The following PCTP variants were observed in gnomAD, a reference collection of about 807,000 sequenced individuals.
PCTP encodes phosphatidylcholine transfer protein, also known as START domain-containing protein 2.
In PCTP, 27 loss-of-function variants were observed where a neutral mutation model predicts 31.0. The ratio of observed to expected loss-of-function variants is 0.87; its 90% CI spans 0.64 to 1.20. The LOEUF is 1.20. Ranked by LOEUF, PCTP falls within the 50% of genes most tolerant of loss-of-function variation. The pLI is 0.00. For synonymous variants in PCTP, 108 were observed against 101.2 expected (o/e 1.07, Z -0.40); for missense variants, 287 against 268.2 (o/e 1.07, Z -0.49).
chr17:55,767,469 T>C lies in PCTP; in HGVS notation c.259+17T>C, dbSNP rs1489395646. Reference sequence around the variant, plus strand: ...ATGTTAAAGGTGAGTGATGCTTGCTTTTCTTTTTTTTTTAGACGTACTTTC... The same window carrying C: ...ATGTTAAAGGTGAGTGATGCTTGCTCTTCTTTTTTTTTTAGACGTACTTTC... On this transcript the variant is annotated intron_variant, in intron 2 of 5. Transcript: ENST00000268896. The C allele has an allele frequency of 7.3e-7, 1 of 1,368,338 alleles. No homozygotes were observed. Among genetic ancestry groups the C allele is most frequent in the Non-Finnish European group, 9.8e-7 (1 of 1,020,600 alleles). 84.8% of individuals were successfully genotyped at this position (1,368,338 alleles called of 1,614,324 possible).
intron 3 of PCTP, among the ~76,000 whole-genome samples, chr17:55,803,806 G>T (rs113135105): frequency 6.6e-5 from 10 of 151,288 alleles, no homozygotes; most frequent in East Asian, 5.8e-4. Flanking sequence ...ATGGGCAAAG[G>T]CTTCATGACT....
intron 3 of PCTP, among the ~76,000 whole-genome samples, chr17:55,811,618 T>C (rs1464714546): frequency 6.6e-6 from 1 of 152,194 alleles, no homozygotes; most frequent in African/African-American, 2.4e-5. Flanking sequence ...CACTTTTAAA[T>C]AAAAATAATA....
downstream of PCTP, among the ~76,000 whole-genome samples, chr17:55,845,158 A>C (rs142513015): frequency 8.5e-4 from 129 of 150,940 alleles, no homozygotes; most frequent in South Asian, 0.021. Context: ...TGCACTAAAC[A>C]TTTAATAAAT....
chr17:55,765,102 T>C (rs1910566234), intron 1 of PCTP, among the ~76,000 whole-genome samples: 1 of 152,218 alleles, frequency 6.6e-6, no homozygotes, highest in South Asian at 2.1e-4. Flanking sequence ...CAAAGGAACT[T>C]ATATGATTTG....
intron 5 of PCTP, among the ~76,000 whole-genome samples, chr17:55,830,975 A>C (rs1905575201): frequency 6.6e-6 from 1 of 152,236 alleles, no homozygotes; most frequent in South Asian, 2.1e-4. Context: ...TGTTCCTAAC[A>C]GAAAACCCTC....
At chr17:55,781,123 A>G (rs1911550224), downstream of PCTP, among the ~76,000 whole-genome samples, 1 of 152,200 alleles carries the variant, frequency 6.6e-6, no homozygotes, top group Non-Finnish European at 1.5e-5. Flanking sequence ...CTCCTCATCT[A>G]TAGACTTTGG....
chr17:55,768,681 G>A (rs1225525220), intron 2 of PCTP, among the ~76,000 whole-genome samples: 1 of 152,172 alleles, frequency 6.6e-6, no homozygotes, highest in Non-Finnish European at 1.5e-5. Flanking sequence ...AGCTAGGGTA[G>A]GTTCTTCTAC....
At chr17:55,843,731 A>G (rs2145097442), downstream of PCTP, among the ~76,000 whole-genome samples, 1 of 152,282 alleles carries the variant, frequency 6.6e-6, no homozygotes, top group East Asian at 1.9e-4. Flanking sequence ...AAAGACTAAG[A>G]ATTTCTTGAG....
At chr17:55,817,841 G>T (rs1026870728) in intron 3 of PCTP, among the ~76,000 whole-genome samples, 4 of 152,258 alleles carry the variant, frequency 2.6e-5, no homozygotes, top group African/African-American at 7.2e-5. Context: ...TCATCCCAAA[G>T]ATTTCAATTA....
chr17:55,763,456 T>C (rs1289776293), intron 1 of PCTP, among the ~76,000 whole-genome samples: 1 of 151,732 alleles, frequency 6.6e-6, no homozygotes, highest in African/African-American at 2.4e-5. Flanking sequence ...AAAAAAAAAA[T>C]AGAATTATGG....
downstream of PCTP, among the ~76,000 whole-genome samples, chr17:55,778,620 T>TGGGGGG (rs1911450081): frequency 6.6e-6 from 1 of 151,380 alleles, no homozygotes; most frequent in Non-Finnish European, 1.5e-5. Context: ...GGGTGCGGGG[T>TGGGGGG]GGGCGGTTTC....
At chr17:55,763,207 A>G (rs555042494) in intron 1 of PCTP, among the ~76,000 whole-genome samples, 2 of 152,216 alleles carry the variant, frequency 1.3e-5, no homozygotes, top group Non-Finnish European at 2.9e-5. Flanking sequence ...CTTACACATC[A>G]GATCTTATTA....
chr17:55,827,024 C>T (rs947703467), downstream of PCTP, among the ~76,000 whole-genome samples: 9 of 137,666 alleles, frequency 6.5e-5, no homozygotes, highest in South Asian at 4.7e-4. Flanking sequence ...AAGATACCTA[C>T]TGTGGTAAAC....
At chr17:55,751,318 G>A in intron 1 of PCTP, 74 bp downstream of exon 1, 3 of 1,515,300 alleles carry the variant, frequency 2.0e-6, no homozygotes, top group Non-Finnish European at 2.6e-6. Context: ...GGAGTGCGGG[G>A]CGGCAGTCGC....
exon 4 of PCTP, chr17:55,822,921 G>GCACCCATTTCA: frequency 1.3e-6 from 1 of 755,168 alleles, no homozygotes; most frequent in Non-Finnish European, 1.8e-6. Flanking sequence ...CACTGAAATG[G>GCACCCATTTCA]GTGCAGGTAT....
At chr17:55,754,328 C>T (rs1909876121) in intron 1 of PCTP, among the ~76,000 whole-genome samples, 1 of 152,192 alleles carries the variant, frequency 6.6e-6, no homozygotes, top group African/African-American at 2.4e-5. Flanking sequence ...AATTAATTTA[C>T]TAGAGAGGCT....
downstream of PCTP, among the ~76,000 whole-genome samples, chr17:55,845,437 C>T (rs904080185): frequency 6.6e-6 from 1 of 152,156 alleles, no homozygotes; most frequent in African/African-American, 2.4e-5. Flanking sequence ...GCTCCCAGGA[C>T]GGCGTCCGCG....
rs3083340 is a variant in PCTP at position 55,829,689 on chromosome 17, A to AACACACAC, written n.505+6787_505+6794dup. 6.3e-3 allele frequency among the ~76,000 whole-genome samples: 927 copies of AACACACAC among 146,218 alleles called. 11 individuals are homozygous for AACACACAC. Among genetic ancestry groups the AACACACAC allele is most frequent in the East Asian group, 0.018 (90 of 4,926 alleles). ...TCTATACAGTTTGGATAATAATTTA[A>AACACACAC]ACACACACACACACACACACACACA... On this transcript the variant is annotated intron_variant and non_coding_transcript_variant, in intron 5 of 5. Transcript: ENST00000576221.
At chr17:55,850,821 T>C in the PCTP span, among the ~76,000 whole-genome samples, 1 of 152,326 alleles carries the variant, frequency 6.6e-6, no homozygotes, top group South Asian at 2.1e-4. Flanking sequence ...TTTGTTATCA[T>C]TGGTCAGAGA....
Sources: gnomAD v4.1 joint callset for allele counts (sites outside exome capture counted in the v4.1 genomes callset) on GRCh38, gnomAD v4.1.1 for gene constraint, MANE v1.5 for transcripts, NCBI Gene and HGNC (gene_info 2026-07-23, HGNC 2026-07-21) for gene names.